SLC22A16: variants seen among roughly 807,000 people sequenced by gnomAD.
SLC22A16 encodes solute carrier family 22 member 16.
Under a neutral mutation model 52.9 loss-of-function variants are expected in SLC22A16, and 53 were observed. The observed-to-expected ratio is 1.00, with a 90% CI of 0.80 to 1.26. The LOEUF (loss-of-function observed/expected upper bound fraction) is 1.26, where lower values mean the gene tolerates loss of function less well. Among genes scored for constraint, SLC22A16 ranks in the 50% most tolerant of loss-of-function variants. SLC22A16 has a pLI of 0.00. For synonymous variants in SLC22A16, 291 were observed against 268.8 expected (o/e 1.08, Z -0.81); for missense variants, 726 against 704.0 (o/e 1.03, Z -0.35).
At position 110,446,872 on chromosome 6, in the gene SLC22A16, C is replaced by G. The variant is rs762086746; in HGVS notation, c.651+1G>C. 4 of 1,607,724 alleles carry G rather than the reference C, an allele frequency of 2.5e-6. No individual in the cohort carries two copies. The highest frequency in any genetic ancestry group is 3.4e-6 in the Non-Finnish European group (4 of 1,177,790). On this transcript the variant is annotated splice_donor_variant, in intron 3 of 7. Coordinates refer to ENST00000368919, the MANE Select transcript of SLC22A16 (RefSeq NM_033125.4). LOFTEE classifies it high-confidence loss of function. ...TTAAAGAAGTAAAAAACACAACTCA[C>G]CATGGCAAGAAAAAAGCGAGCAGCC...
chr6:110,445,958 C>T (rs1054235635), intron 3 of SLC22A16, among the ~76,000 whole-genome samples: 2 of 152,058 alleles, frequency 1.3e-5, no homozygotes, highest in Non-Finnish European at 2.9e-5. Context: ...TTTTATGCAT[C>T]TTCCTTATCC....
At chr6:110,474,143 T>G (rs1312789662) in intron 1 of SLC22A16, among the ~76,000 whole-genome samples, 1 of 152,150 alleles carries the variant, frequency 6.6e-6, no homozygotes, top group African/African-American at 2.4e-5. Context: ...TGCCTGATGA[T>G]CTGAGGTGAA....
At chr6:110,428,054 G>T (rs939856738) in intron 7 of SLC22A16, among the ~76,000 whole-genome samples, 2 of 150,928 alleles carry the variant, frequency 1.3e-5, no homozygotes, top group East Asian at 3.9e-4. Flanking sequence ...AGCTAATTAC[G>T]TGTCCACCTT....
rs1482452640 is a variant in SLC22A16 at position 110,476,537 on chromosome 6, A to G, written c.38T>C (p.Val13Ala). The change falls in exon 1 of 8, where the codon GTG becomes GCG. Residue 13 changes from valine to alanine, a missense_variant. Physicochemically the swap from Val to Ala is moderately conservative, Grantham distance 64. Coordinates refer to ENST00000368919, the MANE Select transcript of SLC22A16 (RefSeq NM_033125.4). ...SRHFEGIYDH[V>A]GHFGRFQRVL... Reference sequence around the variant, plus strand: ...TCCCCCATACCTGCCGAAGTGCCCCACGTGGTCATAAATCCCCTCGAAGTG... The same window carrying G: ...TCCCCCATACCTGCCGAAGTGCCCCGCGTGGTCATAAATCCCCTCGAAGTG... The G allele has an allele frequency of 7.7e-6, 11 of 1,434,366 alleles. No homozygotes were observed. Among genetic ancestry groups the G allele is most frequent in the Non-Finnish European group, 1.0e-5 (11 of 1,097,962 alleles). 88.9% of individuals were successfully genotyped at this position (1,434,366 alleles called of 1,614,324 possible).
intron 7 of SLC22A16, 198 bp from the exon 8 acceptor site, chr6:110,425,283 C>T: frequency 6.6e-7 from 1 of 1,508,244 alleles, no homozygotes; most frequent in Non-Finnish European, 8.9e-7. Flanking sequence ...GGTTTAATCT[C>T]ATCACTCACT....
intron 4 of SLC22A16, among the ~76,000 whole-genome samples, chr6:110,441,728 C>A (rs920174544): frequency 1.3e-5 from 2 of 152,200 alleles, no homozygotes; most frequent in African/African-American, 2.4e-5. Context: ...TCATTCCTCT[C>A]ATCAAACAAG....
At chr6:110,465,554 C>T (rs1275004166) in intron 1 of SLC22A16, among the ~76,000 whole-genome samples, 3 of 151,904 alleles carry the variant, frequency 2.0e-5, no homozygotes, top group African/African-American at 7.2e-5. Flanking sequence ...CACACAAACA[C>T]ACAAAATACC....
chr6:110,459,210 G>A (rs1186088470), intron 1 of SLC22A16, among the ~76,000 whole-genome samples: 4 of 152,172 alleles, frequency 2.6e-5, no homozygotes, highest in Non-Finnish European at 5.9e-5. Flanking sequence ...CTCCTAAAGG[G>A]TGGGCTAGGC....
At chr6:110,447,034 G>T (rs1453653854) in intron 2 of SLC22A16, 44 bp from the exon 3 acceptor site, 2 of 1,516,614 alleles carry the variant, frequency 1.3e-6, no homozygotes, top group African/African-American at 1.4e-5. Context: ...AGGTAGAGTT[G>T]TAACAGTTTA....
intron 1 of SLC22A16, among the ~76,000 whole-genome samples, chr6:110,464,791 G>T (rs1776005072): frequency 6.6e-6 from 1 of 151,918 alleles, no homozygotes; most frequent in Non-Finnish European, 1.5e-5. Context: ...ATAATTCTAT[G>T]AAACCAGTAT....
intron 1 of SLC22A16, among the ~76,000 whole-genome samples, chr6:110,471,984 C>T (rs759149101): frequency 6.6e-5 from 10 of 152,304 alleles, no homozygotes; most frequent in Non-Finnish European, 1.3e-4. Flanking sequence ...CCACCTGATC[C>T]ATATTGACAA....
chr6:110,456,631 A>G lies in SLC22A16; in HGVS notation c.440T>C (p.Val147Ala). ...KSTAVTQWNLVCDRKWLAMLI... is the reference protein window; with the variant it reads ...KSTAVTQWNLACDRKWLAMLI... ...CATTGCAAGCCATTTTCGGTCACAGACCAGGTTCCACTGGGTCACCGCAGT... is the reference window on the plus strand; with the variant it reads ...CATTGCAAGCCATTTTCGGTCACAGGCCAGGTTCCACTGGGTCACCGCAGT... Residue 147 changes from valine to alanine, a missense_variant, in exon 2 of 8, where the codon GTC becomes GCC. By Grantham distance (64) the Val-to-Ala change is moderately conservative. Coordinates refer to ENST00000368919, the MANE Select transcript of SLC22A16 (RefSeq NM_033125.4). 6.2e-7 allele frequency: 1 copy of G among 1,614,186 alleles called. No homozygotes were observed. Among genetic ancestry groups the G allele is most frequent in the Non-Finnish European group, 8.5e-7 (1 of 1,180,040 alleles).
chr6:110,468,647 A>G (rs1345483516), intron 1 of SLC22A16, among the ~76,000 whole-genome samples: 1 of 147,396 alleles, frequency 6.8e-6, no homozygotes, highest in Non-Finnish European at 1.5e-5. Context: ...CTCTGTCTCA[A>G]AAAAAAAAAA....
intron 1 of SLC22A16, chr6:110,475,095 C>T: frequency 2.3e-6 from 1 of 440,248 alleles, no homozygotes; most frequent in Non-Finnish European, 4.5e-6. Flanking sequence ...GTGGTAGCGC[C>T]AGAGTGGGAA....
In SLC22A16 at chr6:110,439,698, A is replaced by C. The variant is rs556135897; in HGVS notation, c.1184-851T>G. Among the ~76,000 whole-genome samples, 501 of 152,302 alleles carry C rather than the reference A, an allele frequency of 3.3e-3. 5 individuals carry two copies. Among genetic ancestry groups the C allele is most frequent in the African/African-American group, 0.011 (457 of 41,576 alleles). ...TTTGAGGATAATATAAAATACAGGC[A>C]GCCTACACAGCAATAAGCAGGAGTT... On this transcript the variant is annotated intron_variant, in intron 4 of 7. Transcript: ENST00000368919.
intron 4 of SLC22A16, among the ~76,000 whole-genome samples, 162 bp from the exon 5 acceptor site, chr6:110,439,009 C>T (rs1460465180): frequency 1.3e-5 from 2 of 152,264 alleles, no homozygotes; most frequent in Admixed American, 1.3e-4. Context: ...AGCCCCGCCA[C>T]TTTTAAACTC....
intron 5 of SLC22A16, among the ~76,000 whole-genome samples, chr6:110,437,980 C>G (rs1774799137): frequency 6.6e-6 from 1 of 152,192 alleles, no homozygotes; most frequent in Admixed American, 6.5e-5. Context: ...TCTTGAATAT[C>G]TGACTCATAT....
At chr6:110,457,410 A>G (rs76383791) in intron 1 of SLC22A16, among the ~76,000 whole-genome samples, 2,035 of 152,324 alleles carry the variant, frequency 0.013, 35 homozygotes, top group African/African-American at 0.047. Context: ...ATAAGGGCAT[A>G]TGAAAGGGGC....
chr6:110,452,657 A>T (rs1775430693), intron 2 of SLC22A16, among the ~76,000 whole-genome samples: 1 of 152,210 alleles, frequency 6.6e-6, no homozygotes, highest in South Asian at 2.1e-4. Flanking sequence ...CAACATAGCA[A>T]AACCCTGTCT....
Sources: allele counts gnomAD v4.1 joint callset (sites outside exome capture counted in the v4.1 genomes callset), GRCh38; gene constraint gnomAD v4.1.1; transcripts MANE v1.5; gene names NCBI Gene and HGNC (gene_info 2026-07-23, HGNC 2026-07-21).